PTPRG: variants seen among roughly 807,000 people sequenced by gnomAD.
The protein encoded by PTPRG is receptor-type tyrosine-protein phosphatase gamma.
Under a neutral mutation model 165.3 loss-of-function variants are expected in PTPRG, and 102 were observed. The ratio of observed to expected loss-of-function variants is 0.62; its 90% confidence interval spans 0.53 to 0.73. The LOEUF is 0.73. Among genes scored for constraint, PTPRG ranks in the 30% least tolerant of loss-of-function variants. The pLI is 0.00. For synonymous variants in PTPRG, 675 were observed against 669.5 expected (o/e 1.01, Z -0.13); for missense variants, 1,866 against 1,861.4 (o/e 1.00, Z -0.05).
intron 1 of PTPRG, among the ~76,000 whole-genome samples, chr3:61,577,940 C>T (rs889336273): frequency 1.8e-4 from 28 of 152,186 alleles, no homozygotes; most frequent in African/African-American, 6.0e-4. Flanking sequence ...TGCCTGTTTA[C>T]CCATCTGTGA....
At position 61,925,796 on chromosome 3, in the gene PTPRG, C is replaced by T. The variant is rs564957162; in HGVS notation, c.191-63829C>T. On this transcript the variant is annotated intron_variant, in intron 2 of 29. Coordinates refer to ENST00000474889, the MANE Select transcript of PTPRG (RefSeq NM_002841.4). ...AAGTTGCAGCACCTGCCAACCTATACGCCAGTGTTCACCAGAGGGGATTAG... is the reference window on the plus strand; with the variant it reads ...AAGTTGCAGCACCTGCCAACCTATATGCCAGTGTTCACCAGAGGGGATTAG... The T allele has an allele frequency of 6.3e-5, 28 of 445,466 alleles. No homozygotes were observed. The Middle Eastern group carries it at 3.7e-3, about 59-fold the overall frequency. 27.6% of individuals were successfully genotyped at this position (445,466 alleles called of 1,614,324 possible). A position where few individuals can be genotyped will look rare whatever the true frequency, so the allele number is the denominator to read the frequency against.
intron 1 of PTPRG, among the ~76,000 whole-genome samples, chr3:61,696,050 C>T (rs1339613594): frequency 7.9e-5 from 12 of 152,136 alleles, no homozygotes; most frequent in Non-Finnish European, 5.9e-5. Flanking sequence ...GATGTAACTA[C>T]ATGTTCTTAA....
chr3:61,686,330 C>G (rs1703631478), intron 1 of PTPRG, among the ~76,000 whole-genome samples: 1 of 152,194 alleles, frequency 6.6e-6, no homozygotes, highest in African/African-American at 2.4e-5. Context: ...TTGGCCCATA[C>G]TAGCCCTCTG....
intron 23 of PTPRG, 83 bp from the exon 24 acceptor site, chr3:62,275,790 T>G (rs1702211749): frequency 1.0e-6 from 1 of 975,224 alleles, no homozygotes; most frequent in Non-Finnish European, 1.5e-6. Context: ...ATCAGTAATC[T>G]GATTGGGATT....
intron 5 of PTPRG, among the ~76,000 whole-genome samples, chr3:62,127,121 C>T (rs1014102374): frequency 6.6e-6 from 1 of 152,232 alleles, no homozygotes; most frequent in Non-Finnish European, 1.5e-5. Flanking sequence ...AACATGGCCA[C>T]ATTTCCTAAA....
chr3:62,106,427 G>A (rs535052004), intron 5 of PTPRG, among the ~76,000 whole-genome samples: 21 of 151,970 alleles, frequency 1.4e-4, no homozygotes, highest in African/African-American at 5.1e-4. Context: ...AATGTTGTCT[G>A]TCCTGGGGCA....
At chr3:61,683,986 A>G (rs990330552) in intron 1 of PTPRG, among the ~76,000 whole-genome samples, 1 of 152,210 alleles carries the variant, frequency 6.6e-6, no homozygotes, top group Non-Finnish European at 1.5e-5. Context: ...TCCCAGCTCC[A>G]TGGTACCGTA....
chr3:62,157,257 T>C, intron 7 of PTPRG, 33 bp downstream of exon 7: 10 of 1,603,202 alleles, frequency 6.2e-6, no homozygotes, highest in Non-Finnish European at 8.5e-6. Context: ...GGTTTCTGTG[T>C]TTACTTGTTT....
intron 1 of PTPRG, among the ~76,000 whole-genome samples, chr3:61,653,851 A>C (rs1396856820): frequency 7.1e-6 from 1 of 139,990 alleles, no homozygotes; most frequent in Non-Finnish European, 1.5e-5. Context: ...AGCATGAATC[A>C]GAATCTACTA....
At chr3:62,169,573 A>G (rs968017622) in intron 8 of PTPRG, among the ~76,000 whole-genome samples, 3 of 152,110 alleles carry the variant, frequency 2.0e-5, no homozygotes, top group African/African-American at 7.2e-5. Context: ...TCTGGGATTT[A>G]TCAGAATTGG....
Position 62,190,133 on chromosome 3 carries a change from G to A in PTPRG, c.1034-1336G>A, listed in dbSNP as rs939959264. Among the ~76,000 whole-genome samples the A allele has an allele frequency of 6.6e-6, 1 of 152,198 alleles. No homozygotes were observed. Among genetic ancestry groups the A allele is most frequent in the Non-Finnish European group, 1.5e-5 (1 of 68,036 alleles). On this transcript the variant is annotated intron_variant, in intron 8 of 29. Transcript: ENST00000474889. The surrounding 1 kb of genome is among the most constrained non-coding windows in gnomAD (Gnocchi z 5.2). ...TTGGTGAGCCTCCATCTCTTAGAGT[G>A]GAGGTTCTCAGCCGAAGGTGATTGG...
intron 7 of PTPRG, among the ~76,000 whole-genome samples, chr3:62,164,845 A>C (rs1704905827): frequency 6.6e-6 from 1 of 152,220 alleles, no homozygotes; most frequent in African/African-American, 2.4e-5. Flanking sequence ...TATTCTAGAG[A>C]ATAAACAAAC....
intron 2 of PTPRG, among the ~76,000 whole-genome samples, chr3:61,900,162 C>A (rs932116009): frequency 1.3e-5 from 2 of 151,588 alleles, no homozygotes; most frequent in Middle Eastern, 3.4e-3. Flanking sequence ...TTTAAATACC[C>A]AAAGTTAGAG....
chr3:61,856,546 C>CT (rs1308761967), intron 2 of PTPRG, among the ~76,000 whole-genome samples: 1 of 152,134 alleles, frequency 6.6e-6, no homozygotes, highest in Non-Finnish European at 1.5e-5. Flanking sequence ...TCCTTCCATA[C>CT]TTTTTTTCTC....
chr3:62,220,350 AGAG>A (rs1399541780), intron 13 of PTPRG, among the ~76,000 whole-genome samples: 1 of 152,222 alleles, frequency 6.6e-6, no homozygotes. Context: ...TACAGACTGA[AGAG>A]GAGCAGGGGC....
Position 62,097,445 on chromosome 3 carries a change from C to T in PTPRG, c.615+19187C>T, listed in dbSNP as rs948960888. Among the ~76,000 whole-genome samples the T allele has an allele frequency of 2.6e-5, 4 of 151,992 alleles. No individual in the cohort carries two copies. In the South Asian group the frequency reaches 8.3e-4, roughly 32 times the overall value. ...TTTTCACGTAAAATAAACTAACACTCATAAGTAATGGTGCATTTTCAACAT... is the reference window on the plus strand; with the variant it reads ...TTTTCACGTAAAATAAACTAACACTTATAAGTAATGGTGCATTTTCAACAT... On this transcript the variant is annotated intron_variant, in intron 5 of 29. Transcript: ENST00000474889.
At chr3:61,658,340 C>G (rs1702566590) in intron 1 of PTPRG, among the ~76,000 whole-genome samples, 1 of 152,120 alleles carries the variant, frequency 6.6e-6, no homozygotes, top group Non-Finnish European at 1.5e-5. Context: ...TAGGTGAGGT[C>G]TCAGGATCTC....
chr3:61,991,943 G>T (rs138454299), intron 3 of PTPRG, among the ~76,000 whole-genome samples: 1 of 152,196 alleles, frequency 6.6e-6, no homozygotes, highest in Non-Finnish European at 1.5e-5. Flanking sequence ...TTATCAATCT[G>T]TGTCACTCTC....
In PTPRG at chr3:61,600,190, A is replaced by ATGTGTGTG. The variant is rs1293051250; in HGVS notation, c.85+37819_85+37820insGTGTGTGT. ...AAAAAAAAAATATATATATATATAT[A>ATGTGTGTG]TATGTGTGTGTGTGTGTGTGTGTGT... On this transcript the variant is annotated intron_variant, in intron 1 of 29. Transcript: ENST00000474889. 4.5e-3 allele frequency among the ~76,000 whole-genome samples: 531 copies of ATGTGTGTG among 118,468 alleles called. 1 individual carries two copies. The highest frequency in any genetic ancestry group is 0.014 in the African/African-American group (454 of 33,386). The allele number at this position is 118,468 out of a possible 152,430, so 77.7% of individuals were successfully genotyped here.
Sources: gnomAD v4.1 joint callset for allele counts (sites outside exome capture counted in the v4.1 genomes callset) on GRCh38, gnomAD v4.1.1 for gene constraint, Gnocchi (gnomAD v3.1) non-coding constraint, MANE v1.5 for transcripts, NCBI Gene and HGNC (gene_info 2026-07-23, HGNC 2026-07-21) for gene names.